Variants in PRKCE observed in about 807,000 individuals in gnomAD.
PRKCE encodes the protein protein kinase C epsilon type.
A neutral mutation model predicts 85.4 loss-of-function variants in PRKCE; 16 were observed. The ratio of observed to expected loss-of-function variants is 0.19; its 90% CI spans 0.13 to 0.28. The LOEUF (loss-of-function observed/expected upper bound fraction) is 0.28, where lower values mean the gene tolerates loss of function less well. Among genes scored for constraint, PRKCE ranks in the 10% least tolerant of loss-of-function variants. The probability of loss-of-function intolerance (pLI) is 1.00; values close to 1 mark genes in which losing one functional copy is unlikely to be tolerated. For synonymous variants in PRKCE, 388 were observed against 371.5 expected (o/e 1.04, Z -0.51); for missense variants, 573 against 975.2 (o/e 0.59, Z 5.49).
intron 2 of PRKCE, among the ~76,000 whole-genome samples, chr2:45,894,631 G>A (rs1573782405): frequency 6.6e-6 from 1 of 152,052 alleles, no homozygotes; most frequent in East Asian, 1.9e-4. Context: ...CGGTGCATGT[G>A]AAACATTCTC....
intron 1 of PRKCE, among the ~76,000 whole-genome samples, chr2:45,727,085 G>C (rs1298216966): frequency 6.6e-6 from 1 of 152,130 alleles, no homozygotes; most frequent in African/African-American, 2.4e-5. Context: ...TGTATACCTG[G>C]ATGCATGTCA....
intron 13 of PRKCE, among the ~76,000 whole-genome samples, chr2:46,153,362 G>A (rs867472277): frequency 5.9e-5 from 9 of 152,086 alleles, no homozygotes; most frequent in African/African-American, 9.7e-5. Flanking sequence ...TATGCCAGGC[G>A]CTGGTGATAC....
intron 1 of PRKCE, among the ~76,000 whole-genome samples, chr2:45,815,661 A>T (rs1015075142): frequency 2.6e-5 from 4 of 152,236 alleles, no homozygotes. Context: ...GACTCCATGC[A>T]GGGAGATGTT....
intron 2 of PRKCE, among the ~76,000 whole-genome samples, chr2:45,971,796 C>T (rs573167422): frequency 2.0e-4 from 31 of 152,272 alleles, no homozygotes; most frequent in African/African-American, 5.8e-4. Context: ...CATACCTTTC[C>T]GCCTTGTGTT....
rs151163710 is a variant in PRKCE, at chr2:46,055,109, G to A, written c.1438-31099G>A. Reference sequence around the variant, plus strand: ...CAATACAAGTGCCAGGTATGCAGGCGCAAAAGGCCGTCACACTGACCCTCC... The same window carrying A: ...CAATACAAGTGCCAGGTATGCAGGCACAAAAGGCCGTCACACTGACCCTCC... On this transcript the variant is annotated intron_variant, in intron 10 of 14. Coordinates refer to ENST00000306156, the MANE Select transcript of PRKCE (RefSeq NM_005400.3). 6.1e-4 allele frequency among the ~76,000 whole-genome samples: 93 copies of A among 152,266 alleles called. 1 individual carries two copies. The East Asian group carries it at 0.013, about 21-fold the overall frequency.
chr2:46,153,261 A>C (rs997178687), intron 13 of PRKCE, among the ~76,000 whole-genome samples: 2 of 152,248 alleles, frequency 1.3e-5, no homozygotes, highest in Non-Finnish European at 2.9e-5. Context: ...GAGTATGTTC[A>C]TTCATGCATT....
chr2:45,677,471 C>T (rs1227391928), intron 1 of PRKCE, among the ~76,000 whole-genome samples: 2 of 151,998 alleles, frequency 1.3e-5, no homozygotes, highest in Non-Finnish European at 2.9e-5. Context: ...ATTCTCCTGC[C>T]TCAGCCTCCC....
chr2:46,119,668 A>G (rs1301386665), intron 11 of PRKCE, among the ~76,000 whole-genome samples: 1 of 152,212 alleles, frequency 6.6e-6, no homozygotes, highest in East Asian at 1.9e-4. Flanking sequence ...ATCTCTGCTT[A>G]GCAAGTGAAG....
chr2:45,850,432 C>G (rs1182456315), intron 2 of PRKCE, among the ~76,000 whole-genome samples: 2 of 152,156 alleles, frequency 1.3e-5, no homozygotes, highest in East Asian at 1.9e-4. Flanking sequence ...CTGGAAATTC[C>G]TGTTTGCAGC....
chr2:45,955,499 C>T (rs137950732), intron 2 of PRKCE, among the ~76,000 whole-genome samples: 8 of 152,314 alleles, frequency 5.3e-5, no homozygotes, highest in African/African-American at 1.7e-4. Flanking sequence ...TTCTGCTCAG[C>T]TGAATTCCTA....
chr2:45,992,935 G>C (rs575676211), intron 6 of PRKCE, among the ~76,000 whole-genome samples: 2 of 152,340 alleles, frequency 1.3e-5, no homozygotes, highest in South Asian at 4.1e-4. Flanking sequence ...GTGGTGAATA[G>C]CTGGGTAGTA....
intron 2 of PRKCE, among the ~76,000 whole-genome samples, chr2:45,959,637 C>A (rs953823502): frequency 6.6e-6 from 1 of 152,168 alleles, no homozygotes; most frequent in Admixed American, 6.5e-5. Context: ...TTAGGGAACA[C>A]TTTGATCTGA....
chr2:45,663,716 G>GTTT (rs1228724260), intron 1 of PRKCE, among the ~76,000 whole-genome samples: 1 of 152,042 alleles, frequency 6.6e-6, no homozygotes, highest in African/African-American at 2.4e-5. Flanking sequence ...CCAGGAGGCG[G>GTTT]AAGTTGCAGT....
rs547083793 is a variant in PRKCE, at chr2:45,665,894, C to T, written c.348+13446C>T. On this transcript the variant is annotated intron_variant, in intron 1 of 14. Transcript: ENST00000306156. ...AATGGATCTGCTTGTCCTCTTGTCCCTGTGAGGGCAGAGGAGGGAAACGTA... is the reference window on the plus strand; with the variant it reads ...AATGGATCTGCTTGTCCTCTTGTCCTTGTGAGGGCAGAGGAGGGAAACGTA... Among the ~76,000 whole-genome samples the T allele has an allele frequency of 3.9e-5, 6 of 152,268 alleles. No individual in the cohort carries two copies. In the South Asian group the frequency reaches 1.2e-3, roughly 32 times the overall value.
At position 45,765,051 on chromosome 2, in the gene PRKCE, A is replaced by T. The variant is rs555593053; in HGVS notation, c.349-77949A>T. Among the ~76,000 whole-genome samples the T allele has an allele frequency of 1.4e-4, 21 of 152,266 alleles. No homozygotes were observed. In the South Asian group the frequency reaches 4.4e-3, roughly 32 times the overall value. On this transcript the variant is annotated intron_variant, in intron 1 of 14. Coordinates refer to ENST00000306156, the MANE Select transcript of PRKCE (RefSeq NM_005400.3). ...TGGCTTTGGCCTGGTACAGTCCAAA[A>T]TGCCAGCCGCTCAAAAACCCACCCA... is the stretch of plus-strand genomic sequence containing the variant.
chr2:45,780,208 T>C (rs567037528), intron 1 of PRKCE, among the ~76,000 whole-genome samples: 11 of 152,392 alleles, frequency 7.2e-5, no homozygotes, highest in Admixed American at 1.3e-4. Context: ...GCTTGAATGA[T>C]GATTCAAATA....
intron 1 of PRKCE, among the ~76,000 whole-genome samples, chr2:45,757,128 G>A (rs1367213251): frequency 1.3e-5 from 2 of 151,714 alleles, no homozygotes; most frequent in Non-Finnish European, 2.9e-5. Flanking sequence ...AGAGACAGGT[G>A]AGACACCTGT....
chr2:46,040,191 T>G (rs1274129787), intron 10 of PRKCE, among the ~76,000 whole-genome samples: 1 of 152,192 alleles, frequency 6.6e-6, no homozygotes. Flanking sequence ...GCCTAGGGGA[T>G]GTTAACTAAA....
chr2:45,816,982 A>G (rs1689099791), intron 1 of PRKCE, among the ~76,000 whole-genome samples: 2 of 152,168 alleles, frequency 1.3e-5, no homozygotes, highest in Non-Finnish European at 2.9e-5. Context: ...AGTAGGTGTT[A>G]CTAAACATCC....
Sources: allele counts gnomAD v4.1 joint callset (sites outside exome capture counted in the v4.1 genomes callset), GRCh38; gene constraint gnomAD v4.1.1; transcripts MANE v1.5; gene names NCBI Gene and HGNC (gene_info 2026-07-23, HGNC 2026-07-21).